Variants in ATP8A2 observed in about 807,000 individuals in gnomAD.
The protein encoded by ATP8A2 is ATPase phospholipid transporting 8A2.
A neutral mutation model predicts 165.6 loss-of-function variants in ATP8A2; 100 were observed. The observed-to-expected ratio is 0.60, with a 90% CI of 0.51 to 0.71. The LOEUF (loss-of-function observed/expected upper bound fraction) is 0.71, where lower values mean the gene tolerates loss of function less well. ATP8A2 is among the 30% of genes least tolerant of loss of function. ATP8A2 has a pLI of 0.00. For synonymous variants in ATP8A2, 543 were observed against 548.8 expected (o/e 0.99, Z 0.15); for missense variants, 1,227 against 1,479.5 (o/e 0.83, Z 2.80).
intron 34 of ATP8A2, among the ~76,000 whole-genome samples, chr13:25,966,029 G>A (rs375659093): frequency 2.8e-3 from 370 of 133,342 alleles, no homozygotes; most frequent in Non-Finnish European, 3.0e-3. Context: ...AAGAGTTTCA[G>A]AAAAAAAAAA....
At chr13:25,738,977 T>G (rs1430592186) in intron 25 of ATP8A2, among the ~76,000 whole-genome samples, 2 of 152,252 alleles carry the variant, frequency 1.3e-5, no homozygotes, top group Non-Finnish European at 2.9e-5. Flanking sequence ...CCTTGTTACG[T>G]AAGTCCAACT....
At chr13:25,732,106 T>C (rs1295302442) in intron 25 of ATP8A2, among the ~76,000 whole-genome samples, 2 of 152,176 alleles carry the variant, frequency 1.3e-5, no homozygotes, top group Non-Finnish European at 2.9e-5. Flanking sequence ...AAATCAAGCT[T>C]TTCCCTCCCT....
intron 24 of ATP8A2, among the ~76,000 whole-genome samples, chr13:25,601,447 A>G (rs1240515052): frequency 6.6e-6 from 1 of 151,656 alleles, no homozygotes; most frequent in Non-Finnish European, 1.5e-5. Flanking sequence ...TTTAGAAATA[A>G]TTAAATTGTT....
rs779303172 is a variant in ATP8A2 at position 25,558,865 on chromosome 13, TC to T, written c.1264-107del. ...TACTAATTTGCTTGCTTTAGGGAAA[TC>T]TACCCGTTTCATACAGGTTTTGAAA... On this transcript the variant is annotated intron_variant, in intron 13 of 36. Transcript: ENST00000381655. 9.2e-4 allele frequency: 610 copies of T among 666,310 alleles called. 2 individuals are homozygous for T. The highest frequency in any genetic ancestry group is 2.2e-3 in the Admixed American group (69 of 30,882). 41.3% of individuals were successfully genotyped at this position (666,310 alleles called of 1,614,324 possible).
chr13:25,519,947 A>C (rs1165931767), intron 2 of ATP8A2, among the ~76,000 whole-genome samples: 1 of 152,210 alleles, frequency 6.6e-6, no homozygotes, highest in Non-Finnish European at 1.5e-5. Context: ...ATTAACACAT[A>C]TTTTAAAGGT....
chr13:25,429,661 A>C (rs1369261333), intron 1 of ATP8A2, among the ~76,000 whole-genome samples: 1 of 152,172 alleles, frequency 6.6e-6, no homozygotes, highest in Non-Finnish European at 1.5e-5. Context: ...CAGTGGGGAG[A>C]TACACATTCC....
At chr13:25,777,261 G>A (rs879928462) in intron 27 of ATP8A2, among the ~76,000 whole-genome samples, 4 of 152,094 alleles carry the variant, frequency 2.6e-5, no homozygotes, top group Non-Finnish European at 2.9e-5. Flanking sequence ...ATCCTTGACC[G>A]AGCCTATATG....
At chr13:25,540,122 ACT>A (rs2038423358) in intron 7 of ATP8A2, among the ~76,000 whole-genome samples, 195 bp from the exon 8 acceptor site, 1 of 151,698 alleles carries the variant, frequency 6.6e-6, no homozygotes, top group Non-Finnish European at 1.5e-5. Context: ...TGGGCAAATG[ACT>A]CTCTACTGGT....
chr13:25,733,895 T>C (rs956062458), intron 25 of ATP8A2, among the ~76,000 whole-genome samples: 15 of 152,210 alleles, frequency 9.9e-5, no homozygotes, highest in African/African-American at 3.6e-4. Context: ...AGCACCTTTT[T>C]TCTTCTGCCT....
At chr13:25,682,525 T>TTGCGAGTTTTCTCTTGACGGGGCAC (rs1405251865) in intron 24 of ATP8A2, among the ~76,000 whole-genome samples, 1 of 152,190 alleles carries the variant, frequency 6.6e-6, no homozygotes, top group African/African-American at 2.4e-5. Context: ...ACCTCCTTTA[T>TTGCGAGTTTTCTCTTGACGGGGCAC]TGCGAGTTTT....
At chr13:25,663,980 G>T (rs1248073691) in intron 24 of ATP8A2, among the ~76,000 whole-genome samples, 1 of 152,108 alleles carries the variant, frequency 6.6e-6, no homozygotes, top group Non-Finnish European at 1.5e-5. Context: ...AGGCCGAGGT[G>T]GGTGGATTGC....
intron 6 of ATP8A2, 147 bp from the exon 7 acceptor site, chr13:25,537,841 A>G (rs2038337826): frequency 6.0e-6 from 3 of 495,886 alleles, no homozygotes; most frequent in Non-Finnish European, 1.1e-5. Context: ...TGTTCTTGTC[A>G]AGGAAAATAA....
intron 24 of ATP8A2, among the ~76,000 whole-genome samples, chr13:25,629,751 C>T (rs998641933): frequency 2.0e-5 from 3 of 152,092 alleles, no homozygotes; most frequent in Non-Finnish European, 2.9e-5. Flanking sequence ...GTTAGATCAG[C>T]GTCGCTTCTG....
chr13:25,646,361 G>T (rs74743680), intron 24 of ATP8A2, among the ~76,000 whole-genome samples: 3 of 151,886 alleles, frequency 2.0e-5, no homozygotes, highest in African/African-American at 7.3e-5. Flanking sequence ...TTTAAAAAAA[G>T]CATTTAGGGC....
chr13:25,756,327 C>CTTTTTTTT (rs11379467), intron 25 of ATP8A2, among the ~76,000 whole-genome samples: 1 of 137,184 alleles, frequency 7.3e-6, no homozygotes, highest in Non-Finnish European at 1.5e-5. Flanking sequence ...CTGTTGGATT[C>CTTTTTTTT]TTTTTTTTTT....
chr13:25,839,612 G>C lies in ATP8A2; in HGVS notation c.2944G>C (p.Ala982Pro), dbSNP rs771337976. The C allele has an allele frequency of 6.2e-7, 1 of 1,613,786 alleles. No individual in the cohort carries two copies. The highest frequency in any genetic ancestry group is 1.1e-5 in the South Asian group (1 of 91,074). The stretch of plus-strand genomic sequence containing the variant: ...CATCCTCTTCTGGTTTCCCATGAAA[G>C]CTCTGGAGCATGGTAAGGGCTGTGT... ...SLILFWFPMK[A>P]LEHDTVLTSG... The change falls in exon 30 of 37, where the codon GCT (alanine) becomes CCT (proline). Residue 982 changes from alanine (A) to proline (P), a missense_variant. Coordinates refer to ENST00000381655, the MANE Select transcript of ATP8A2 (RefSeq NM_016529.6).
rs563875409 is a variant in ATP8A2, at chr13:25,665,801, A to T, written c.2212-33372A>T. ...TGGGCTCAAGGAATCCTCCCGCCTCAGCCTCCTGGGTAGCTAGCTGGGACT... is the reference window on the plus strand; with the variant it reads ...TGGGCTCAAGGAATCCTCCCGCCTCTGCCTCCTGGGTAGCTAGCTGGGACT... On this transcript the variant is annotated intron_variant, in intron 24 of 36. Coordinates refer to ENST00000381655, the MANE Select transcript of ATP8A2 (RefSeq NM_016529.6). Among the ~76,000 whole-genome samples the T allele has an allele frequency of 3.3e-5, 5 of 151,994 alleles. No individual in the cohort carries two copies. In the East Asian group the frequency reaches 9.7e-4, roughly 29 times the overall value.
At chr13:25,541,521 T>A (rs2038477329) in intron 8 of ATP8A2, among the ~76,000 whole-genome samples, 1 of 152,148 alleles carries the variant, frequency 6.6e-6, no homozygotes, top group African/African-American at 2.4e-5. Flanking sequence ...AGACCCTGTC[T>A]CTTAAAGAAA....
chr13:26,011,004 G>T (rs1267428763), intron 35 of ATP8A2, among the ~76,000 whole-genome samples: 1 of 152,170 alleles, frequency 6.6e-6, no homozygotes, highest in Non-Finnish European at 1.5e-5. Context: ...AGGGAGCTAG[G>T]TGGGTCTGCA....
Sources: gnomAD v4.1 joint callset for allele counts (sites outside exome capture counted in the v4.1 genomes callset) on GRCh38, gnomAD v4.1.1 for gene constraint, MANE v1.5 for transcripts, NCBI Gene and HGNC (gene_info 2026-07-23, HGNC 2026-07-21) for gene names.